The following CDH13 variants were observed in gnomAD, a reference collection of about 807,000 sequenced individuals.
CDH13 encodes the protein cadherin 13.
A neutral mutation model predicts 63.8 loss-of-function variants in CDH13; 24 were observed. The observed-to-expected ratio is 0.38, with a 90% CI of 0.27 to 0.53. CDH13 has a LOEUF of 0.53. Ranked by LOEUF, CDH13 falls within the 20% of genes least tolerant of loss-of-function variation. The pLI, the probability that CDH13 is intolerant of heterozygous loss-of-function variation, is 0.85. For missense variants in CDH13, 1,049 were observed against 903.1 expected (o/e 1.16, Z -2.07); for synonymous variants, 503 against 355.3 (o/e 1.42, Z -4.67).
intron 10 of CDH13, among the ~76,000 whole-genome samples, chr16:83,734,872 G>T (rs1189218228): frequency 6.6e-6 from 1 of 151,774 alleles, no homozygotes; most frequent in Middle Eastern, 3.2e-3. Context: ...GCAGTGGTCT[G>T]GTAAGTTTCA....
At chr16:83,486,971 G>C (rs1170584947) in intron 7 of CDH13, among the ~76,000 whole-genome samples, 1 of 152,116 alleles carries the variant, frequency 6.6e-6, no homozygotes, top group African/African-American at 2.4e-5. Flanking sequence ...TTTAATGCTA[G>C]AAGGGAGAGG....
At chr16:83,250,585 G>A (rs918603168) in intron 5 of CDH13, among the ~76,000 whole-genome samples, 3 of 152,146 alleles carry the variant, frequency 2.0e-5, no homozygotes, top group East Asian at 1.9e-4. Context: ...GCACCCAGTC[G>A]AGGGAACAGT....
rs1314686492 is a variant in CDH13, at chr16:83,542,155, A to G, written c.960+55500A>G. ...TGCATTTTAACAAGACTCTCAGGTG[A>G]GGCCATTCCTGCTGAGGTGCACATA... is the stretch of plus-strand genomic sequence containing the variant. On this transcript the variant is annotated intron_variant, in intron 7 of 13. Transcript: ENST00000567109. Among the ~76,000 whole-genome samples, 4 of 152,216 alleles carry G rather than the reference A, an allele frequency of 2.6e-5. No homozygotes were observed. In the East Asian group the frequency reaches 7.7e-4, roughly 29 times the overall value.
At chr16:82,995,240 G>A (rs1170157974) in intron 2 of CDH13, among the ~76,000 whole-genome samples, 1 of 152,146 alleles carries the variant, frequency 6.6e-6, no homozygotes, top group Non-Finnish European at 1.5e-5. Context: ...TCTCGCTATA[G>A]TCATCCTCCG....
At chr16:82,715,302 A>G (rs2032282603) in intron 1 of CDH13, among the ~76,000 whole-genome samples, 1 of 151,114 alleles carries the variant, frequency 6.6e-6, no homozygotes, top group African/African-American at 2.4e-5. Flanking sequence ...CAACCAAGTC[A>G]CTTAGCCATC....
chr16:83,000,401 A>G (rs561061972), intron 2 of CDH13, among the ~76,000 whole-genome samples: 75 of 150,186 alleles, frequency 5.0e-4, no homozygotes, highest in Middle Eastern at 3.5e-3. Context: ...GGCGCCCGCC[A>G]CCACGCCCAG....
chr16:82,866,481 C>T (rs531216830), intron 2 of CDH13, among the ~76,000 whole-genome samples: 16 of 143,832 alleles, frequency 1.1e-4, no homozygotes, highest in South Asian at 4.5e-4. Context: ...CTCTGCCTCC[C>T]GGGTTCAAGC....
intron 9 of CDH13, among the ~76,000 whole-genome samples, chr16:83,675,681 G>C (rs1349734514): frequency 6.6e-6 from 1 of 152,206 alleles, no homozygotes; most frequent in Non-Finnish European, 1.5e-5. Flanking sequence ...AGAGACAGCT[G>C]AGACTTCAGG....
At chr16:82,837,294 G>A (rs554370637) in intron 1 of CDH13, among the ~76,000 whole-genome samples, 2 of 152,260 alleles carry the variant, frequency 1.3e-5, no homozygotes, top group South Asian at 4.1e-4. Flanking sequence ...GCCTACCTCA[G>A]AGGCTTGTGG....
In CDH13 at chr16:83,622,739, C is replaced by T. The variant is rs576011624; in HGVS notation, c.1101+20145C>T. On this transcript the variant is annotated intron_variant, in intron 8 of 13. Transcript: ENST00000567109. Reference sequence around the variant, plus strand: ...TTTATGATAGTCGTTACTGCAGTTTCAGAATCATTAGTGAGATAATGTGCT... The same window carrying T: ...TTTATGATAGTCGTTACTGCAGTTTTAGAATCATTAGTGAGATAATGTGCT... 3.9e-5 allele frequency among the ~76,000 whole-genome samples: 6 copies of T among 152,302 alleles called. No individual in the cohort carries two copies. The South Asian group carries it at 8.3e-4, about 21-fold the overall frequency.
At chr16:83,603,734 T>A (rs1908068769) in intron 8 of CDH13, among the ~76,000 whole-genome samples, 1 of 152,160 alleles carries the variant, frequency 6.6e-6, no homozygotes, top group Admixed American at 6.5e-5. Flanking sequence ...CCCAATGGCC[T>A]CTGTATTAGT....
chr16:83,710,447 A>G (rs1907850532), intron 10 of CDH13: 1 of 152,162 alleles, frequency 6.6e-6, no homozygotes, highest in African/African-American at 2.4e-5. Flanking sequence ...GCTGGCATGG[A>G]ACTTGGGCTA....
At position 83,743,644 on chromosome 16, in the gene CDH13, G is replaced by A. The variant is rs547562430; in HGVS notation, c.1539-4464G>A. On this transcript the variant is annotated intron_variant, in intron 10 of 13. Coordinates refer to ENST00000567109, the MANE Select transcript of CDH13 (RefSeq NM_001257.5). Reference sequence around the variant, plus strand: ...GTTGAGTAATCAGGCAATAGAATGCGGTTCATTTAAAACTTTCATTATTTC... The same window carrying A: ...GTTGAGTAATCAGGCAATAGAATGCAGTTCATTTAAAACTTTCATTATTTC... Among the ~76,000 whole-genome samples the A allele has an allele frequency of 4.6e-5, 7 of 151,440 alleles. No homozygotes were observed. In the East Asian group the frequency reaches 5.8e-4, roughly 13 times the overall value.
At chr16:82,679,016 G>A (rs1032970014) in intron 1 of CDH13, among the ~76,000 whole-genome samples, 6 of 152,022 alleles carry the variant, frequency 3.9e-5, no homozygotes, top group African/African-American at 1.4e-4. Flanking sequence ...TCACCGCTGT[G>A]GGCAGCTGAG....
chr16:83,646,876 C>T (rs1460745096), intron 8 of CDH13, among the ~76,000 whole-genome samples: 2 of 151,932 alleles, frequency 1.3e-5, no homozygotes, highest in Non-Finnish European at 2.9e-5. Context: ...AAGAAGGCAA[C>T]TCCCCCCTTT....
chr16:83,448,473 G>C (rs1046451627), intron 6 of CDH13, among the ~76,000 whole-genome samples: 1 of 152,160 alleles, frequency 6.6e-6, no homozygotes, highest in Non-Finnish European at 1.5e-5. Context: ...CCCAGAACAA[G>C]GTGCTCAGTG....
chr16:83,572,741 G>C (rs150666165), intron 7 of CDH13, among the ~76,000 whole-genome samples: 1 of 152,138 alleles, frequency 6.6e-6, no homozygotes, highest in Non-Finnish European at 1.5e-5. Context: ...AGAAGAATTC[G>C]GAACAGACCC....
intron 1 of CDH13, among the ~76,000 whole-genome samples, chr16:82,735,828 AT>A (rs1201364744): frequency 6.6e-6 from 1 of 152,196 alleles, no homozygotes; most frequent in Non-Finnish European, 1.5e-5. Flanking sequence ...AGCAAGTTTC[AT>A]TTTTAACTTG....
At chr16:83,634,088 C>T (rs917082980) in intron 8 of CDH13, among the ~76,000 whole-genome samples, 6 of 151,204 alleles carry the variant, frequency 4.0e-5, no homozygotes, top group South Asian at 2.1e-4. Flanking sequence ...CCAGACCTCA[C>T]GAAGTCTCCA....
Sources: gnomAD v4.1 joint callset for allele counts (sites outside exome capture counted in the v4.1 genomes callset) on GRCh38, gnomAD v4.1.1 for gene constraint, MANE v1.5 for transcripts, NCBI Gene and HGNC (gene_info 2026-07-23, HGNC 2026-07-21) for gene names.